The following DMD variants were observed in gnomAD, a reference collection of about 807,000 sequenced individuals.
DMD encodes the protein dystrophin.
DMD carries 63 observed loss-of-function variants against 330.1 expected under a neutral mutation model. The ratio of observed to expected loss-of-function variants is 0.19; its 90% CI spans 0.16 to 0.24. DMD has a LOEUF of 0.24. DMD is among the 10% of genes least tolerant of loss of function. The probability of loss-of-function intolerance (pLI) is 1.00; values close to 1 mark genes in which losing one functional copy is unlikely to be tolerated. For missense variants in DMD, 3,344 were observed against 2,684.1 expected, an observed-to-expected ratio of 1.25 and a Z score of -5.43; for synonymous variants, 1,223 against 959.8, an observed-to-expected ratio of 1.27 and a Z score of -5.07.
At chrX:32,679,446 A>G (rs1436261332) in intron 9 of DMD, among the ~76,000 whole-genome samples, 4 of 111,531 alleles carry the variant, frequency 3.6e-5, no homozygotes, top group African/African-American at 1.3e-4. Context: ...ATTGTCACCC[A>G]ACTCTTTCTG....
At chrX:32,307,699 C>A (rs771917046) in intron 42 of DMD, among the ~76,000 whole-genome samples, 2 of 111,490 alleles carry the variant, frequency 1.8e-5, no homozygotes, top group African/African-American at 6.5e-5. Context: ...CAGAGAAAAC[C>A]TTTTGGTAAT....
At chrX:32,780,919 G>A (rs1195049500) in intron 7 of DMD, among the ~76,000 whole-genome samples, 2 of 105,780 alleles carry the variant, frequency 1.9e-5, no homozygotes, top group African/African-American at 3.5e-5. Flanking sequence ...GTGAAACCCC[G>A]TCTCTACTAA....
chrX:32,569,116 C>T (rs952604718), intron 15 of DMD, among the ~76,000 whole-genome samples: 3 of 111,023 alleles, frequency 2.7e-5, no homozygotes, highest in Non-Finnish European at 3.8e-5. Flanking sequence ...GGAATGTAGA[C>T]CTACCTCCAA....
intron 51 of DMD, among the ~76,000 whole-genome samples, chrX:31,735,362 T>G (rs1293101592): frequency 9.0e-6 from 1 of 111,454 alleles, no homozygotes; most frequent in Non-Finnish European, 1.9e-5. Flanking sequence ...ACATATAACC[T>G]CAGGCCCTGA....
rs991386998 is a variant in DMD at position 31,212,651 on chromosome X, G to A, written c.9362-2952C>T. The stretch of plus-strand genomic sequence containing the variant: ...TTTTTTTGTCTTTTACAGAGTGATA[G>A]ACTCTTAGAGCCAGAAGGTTGCTTT... On this transcript the variant is annotated intron_variant, in intron 64 of 78. Coordinates refer to ENST00000357033, the MANE Select transcript of DMD (RefSeq NM_004006.3). Among the ~76,000 whole-genome samples, 16 of 111,532 alleles carry A rather than the reference G, an allele frequency of 1.4e-4. No homozygotes were observed. The East Asian group carries it at 3.9e-3, about 27-fold the overall frequency.
chrX:31,855,412 T>C (rs982849747), intron 48 of DMD, among the ~76,000 whole-genome samples: 1 of 112,354 alleles, frequency 8.9e-6, no homozygotes, highest in Admixed American at 9.4e-5. Context: ...TAAGTTATTA[T>C]CCATATAGTA....
chrX:31,617,966 CAT>C (rs2078305117), intron 55 of DMD, among the ~76,000 whole-genome samples: 2 of 111,340 alleles, frequency 1.8e-5, no homozygotes, highest in African/African-American at 6.5e-5. Flanking sequence ...GGTGAAATAA[CAT>C]AGGAACAGAA....
Position 31,850,495 on chromosome X carries a change from T to C in DMD, c.7099-13676A>G, listed in dbSNP as rs141440690. Among the ~76,000 whole-genome samples the C allele has an allele frequency of 8.2e-3, 917 of 112,081 alleles. 7 individuals carry two copies. The highest frequency in any genetic ancestry group is 0.028 in the African/African-American group (880 of 30,880). On this transcript the variant is annotated intron_variant, in intron 48 of 78. Transcript: ENST00000357033. ...GGCTTGACTGTGTACCTTTGACCAA[T>C]AGACCATGGACAGACAGAAGGGACT...
chrX:32,375,240 AG>A (rs1353519559), intron 34 of DMD, among the ~76,000 whole-genome samples: 1 of 112,062 alleles, frequency 8.9e-6, no homozygotes, highest in Non-Finnish European at 1.9e-5. Flanking sequence ...AGAAAAAAAA[AG>A]CCACAGAAAC....
chrX:33,317,061 C>G (rs945186879), intron 1 of DMD, among the ~76,000 whole-genome samples: 2 of 110,282 alleles, frequency 1.8e-5, no homozygotes, highest in African/African-American at 6.6e-5. Context: ...AAATTTCAAA[C>G]GCCAAGTTCC....
At chrX:32,752,741 A>T (rs905553843) in intron 7 of DMD, among the ~76,000 whole-genome samples, 2 of 108,808 alleles carry the variant, frequency 1.8e-5, no homozygotes, top group Non-Finnish European at 3.8e-5. Context: ...TTGTCAGAGG[A>T]TCCCTGTGGG....
Position 32,226,575 on chromosome X carries a change from T to C in DMD, c.6291-9512A>G, listed in dbSNP as rs73460014. Among the ~76,000 whole-genome samples the C allele has an allele frequency of 5.8e-3, 647 of 111,888 alleles. 9 individuals carry two copies. Among genetic ancestry groups the C allele is most frequent in the African/African-American group, 0.02 (614 of 30,834 alleles). On this transcript the variant is annotated intron_variant, in intron 43 of 78. Coordinates refer to ENST00000357033, the MANE Select transcript of DMD (RefSeq NM_004006.3). ...TTCCTGGTACATGATAAATGTTGAA[T>C]ACATTTTAATAACTGAATGAATGAA...
chrX:31,232,081 TAAAAAAAAAAA>T (rs776133263), intron 63 of DMD, among the ~76,000 whole-genome samples: 1 of 33,286 alleles, frequency 3.0e-5, no homozygotes, highest in Non-Finnish European at 5.4e-5. Flanking sequence ...CAGCACATGT[TAAAAAAAAAAA>T]AAAAAAAAAA....
intron 1 of DMD, among the ~76,000 whole-genome samples, chrX:33,301,455 A>G (rs1339384277): frequency 8.9e-6 from 1 of 112,196 alleles, no homozygotes; most frequent in Non-Finnish European, 1.9e-5. Flanking sequence ...TTGTGAACAC[A>G]GTGTATCTCA....
chrX:32,053,030 C>T (rs763531103), intron 44 of DMD, among the ~76,000 whole-genome samples: 1 of 111,385 alleles, frequency 9.0e-6, no homozygotes, highest in African/African-American at 3.3e-5. Context: ...AGAGTCTTTC[C>T]CCTTCTCTCT....
At chrX:32,831,323 T>C (rs1017235848) in intron 4 of DMD, among the ~76,000 whole-genome samples, 2 of 111,144 alleles carry the variant, frequency 1.8e-5, no homozygotes, top group African/African-American at 6.5e-5. Context: ...TTTATACTTA[T>C]TATATTGATA....
At chrX:33,255,975 T>G (rs2052850452) in intron 1 of DMD, among the ~76,000 whole-genome samples, 1 of 111,709 alleles carries the variant, frequency 9.0e-6, no homozygotes, top group Non-Finnish European at 1.9e-5. Context: ...AGTCTAATTT[T>G]TCAATTTAGT....
chrX:32,900,043 T>C lies in DMD; in HGVS notation c.94-50223A>G, dbSNP rs745604285. Reference sequence around the variant, plus strand: ...ATGATCTCCTACAAATTTAAACTTATGTGATTTAACACTAATCAAAAGCAA... The same window carrying C: ...ATGATCTCCTACAAATTTAAACTTACGTGATTTAACACTAATCAAAAGCAA... On this transcript the variant is annotated intron_variant, in intron 2 of 78. Coordinates refer to ENST00000357033, the MANE Select transcript of DMD (RefSeq NM_004006.3). Among the ~76,000 whole-genome samples the C allele has an allele frequency of 3.6e-5, 4 of 112,421 alleles. No individual in the cohort carries two copies. In the East Asian group the frequency reaches 1.1e-3, roughly 31 times the overall value.
intron 62 of DMD, among the ~76,000 whole-genome samples, chrX:31,295,983 CTTTTT>C (rs150166970): frequency 3.1e-4 from 29 of 92,881 alleles, no homozygotes; most frequent in Non-Finnish European, 2.5e-4. Context: ...CAAAAAGTGA[CTTTTT>C]TTTTTTTTTT....
Sources: allele counts gnomAD v4.1 joint callset (sites outside exome capture counted in the v4.1 genomes callset), GRCh38; gene constraint gnomAD v4.1.1; transcripts MANE v1.5; gene names NCBI Gene and HGNC (gene_info 2026-07-23, HGNC 2026-07-21).